Variants in ZNF236 observed in about 807,000 individuals in gnomAD.
ZNF236 encodes the protein zinc finger protein 236.
Under a neutral mutation model 191.2 loss-of-function variants are expected in ZNF236, and 50 were observed. The ratio of observed to expected loss-of-function variants is 0.26; its 90% confidence interval spans 0.21 to 0.33. ZNF236 has a LOEUF of 0.33. Ranked by LOEUF, ZNF236 falls within the 10% of genes least tolerant of loss-of-function variation. The pLI, the probability that ZNF236 is intolerant of heterozygous loss-of-function variation, is 1.00. For synonymous variants in ZNF236, 907 were observed against 928.8 expected, an observed-to-expected ratio of 0.98 and a Z score of 0.43; for missense variants, 1,754 against 2,374.5, an observed-to-expected ratio of 0.74 and a Z score of 5.43.
At chr18:76,948,815 G>T (rs1968334859) in intron 27 of ZNF236, among the ~76,000 whole-genome samples, 1 of 152,194 alleles carries the variant, frequency 6.6e-6, no homozygotes, top group Non-Finnish European at 1.5e-5. Context: ...CCAGGCCCCT[G>T]CCCCTCCAGG....
intron 11 of ZNF236, among the ~76,000 whole-genome samples, chr18:76,900,757 A>T (rs1461999657): frequency 6.6e-6 from 1 of 152,216 alleles, no homozygotes; most frequent in Non-Finnish European, 1.5e-5. Flanking sequence ...ATATTTAACT[A>T]AAAAAACTAG....
At chr18:76,870,501 C>T (rs567718865) in intron 4 of ZNF236, among the ~76,000 whole-genome samples, 1 of 152,302 alleles carries the variant, frequency 6.6e-6, no homozygotes, top group Middle Eastern at 3.4e-3. Flanking sequence ...GCAAACCAGA[C>T]AGACGAAGCC....
intron 26 of ZNF236, among the ~76,000 whole-genome samples, chr18:76,938,312 C>G (rs984877304): frequency 3.6e-4 from 55 of 152,218 alleles, no homozygotes; most frequent in African/African-American, 1.3e-3. Context: ...ATTGGGTGAG[C>G]CTGGGAAGTC....
rs796598837 is a variant in ZNF236 at position 76,937,435 on chromosome 18, G to C, written c.4782+92G>C. On this transcript the variant is annotated intron_variant, in intron 26 of 30. Transcript: ENST00000320610. ...TGACTCCTTCCTAAATAAATAGTCTGAGCATTTTTTTTCCCCAAAATCGAA... is the reference window on the plus strand; with the variant it reads ...TGACTCCTTCCTAAATAAATAGTCTCAGCATTTTTTTTCCCCAAAATCGAA... 5 of 1,223,182 alleles carry C rather than the reference G, an allele frequency of 4.1e-6. No homozygotes were observed. In the African/African-American group the frequency reaches 7.5e-5, roughly 18 times the overall value. 75.8% of individuals were successfully genotyped at this position (1,223,182 alleles called of 1,614,324 possible).
intron 20 of ZNF236, among the ~76,000 whole-genome samples, chr18:76,922,248 G>C (rs1036439845): frequency 1.3e-5 from 2 of 152,214 alleles, no homozygotes; most frequent in Non-Finnish European, 2.9e-5. Context: ...CCGTGAGCCT[G>C]TGTGCCTCTG....
intron 25 of ZNF236, among the ~76,000 whole-genome samples, chr18:76,932,749 G>C (rs1282598573): frequency 6.6e-6 from 1 of 152,236 alleles, no homozygotes; most frequent in African/African-American, 2.4e-5. Flanking sequence ...AAGTTGGGTT[G>C]TAGAGGTTTC....
At chr18:76,896,111 A>G (rs953758247) in intron 10 of ZNF236, among the ~76,000 whole-genome samples, 5 of 151,676 alleles carry the variant, frequency 3.3e-5, no homozygotes, top group Admixed American at 6.6e-5. Flanking sequence ...GTTACCAAAC[A>G]CTATACCACA....
At chr18:76,940,612 T>C (rs1009719886) in intron 26 of ZNF236, among the ~76,000 whole-genome samples, 1 of 152,210 alleles carries the variant, frequency 6.6e-6, no homozygotes, top group Admixed American at 6.5e-5. Context: ...CAGAAAGGCA[T>C]TTATTTCAGT....
chr18:76,905,790 T>G (rs1977724942), intron 13 of ZNF236, among the ~76,000 whole-genome samples: 1 of 152,246 alleles, frequency 6.6e-6, no homozygotes, highest in Non-Finnish European at 1.5e-5. Context: ...TCTAGGCCTG[T>G]CATCAGCAAA....
At position 76,969,103 on chromosome 18, in the gene ZNF236, A is replaced by T. The variant is rs192060511; in HGVS notation, c.*764A>T. The stretch of plus-strand genomic sequence containing the variant: ...TTACATAATTGCAGAAGCACAAGCC[A>T]TACATCGCAGGTAGGAAACCACAGA... On this transcript the variant is annotated 3_prime_UTR_variant, in exon 31 of 31. Coordinates refer to ENST00000320610, the MANE Select transcript of ZNF236 (RefSeq NM_001306089.2). The T allele has an allele frequency of 4.2e-3, 2,280 of 541,246 alleles. 12 individuals carry two copies. The highest frequency in any genetic ancestry group is 5.0e-3 in the Non-Finnish European group (2,122 of 423,410). The allele number at this position is 541,246 out of a possible 1,614,324, so 33.5% of individuals were successfully genotyped here.
intron 26 of ZNF236, among the ~76,000 whole-genome samples, chr18:76,944,519 T>C (rs1209187917): frequency 6.6e-6 from 1 of 152,196 alleles, no homozygotes; most frequent in African/African-American, 2.4e-5. Context: ...GCTGGGGGTG[T>C]GGTGGCTCAT....
At position 76,905,329 on chromosome 18, in the gene ZNF236, C is replaced by A; in HGVS notation, c.2211C>A (p.His737Gln). 1 of 1,614,172 alleles carries A rather than the reference C, an allele frequency of 6.2e-7. No individual in the cohort carries two copies. Among genetic ancestry groups the A allele is most frequent in the Non-Finnish European group, 8.5e-7 (1 of 1,180,036 alleles). The change falls in exon 13 of 31, where the codon CAC (histidine) becomes CAA (glutamine). Residue 737 changes from histidine to glutamine, a missense_variant. His to Gln is a conservative substitution (Grantham distance 24). Around this residue, in one of 5 missense-constraint regions of ZNF236, gnomAD observed 641 missense variants for 869.6 expected, o/e 0.74. Transcript: ENST00000320610. ...GGSLRRHMGIHNDLRPYMCPY... is the reference protein window; with the variant it reads ...GGSLRRHMGIQNDLRPYMCPY... ...GCTTACGGCGACACATGGGTATCCA[C>A]AACGACCTTCGTCCCTATATGTGTC...
chr18:76,933,446 C>T (rs1326837235), intron 25 of ZNF236, among the ~76,000 whole-genome samples: 5 of 149,938 alleles, frequency 3.3e-5, no homozygotes, highest in African/African-American at 7.4e-5. Context: ...GCCTGGGTGA[C>T]GAGCAAAACT....
intron 11 of ZNF236, 84 bp downstream of exon 11, chr18:76,899,306 T>G: frequency 8.3e-7 from 1 of 1,210,772 alleles, no homozygotes; most frequent in Non-Finnish European, 1.2e-6. Context: ...CACATTATGG[T>G]CTCTGTAGTT....
rs1050966032 is a variant in ZNF236, at chr18:76,895,225, T to C, written c.1630T>C (p.Tyr544His). The C allele has an allele frequency of 1.2e-6, 2 of 1,600,624 alleles. No homozygotes were observed. Among genetic ancestry groups the C allele is most frequent in the African/African-American group, 2.7e-5 (2 of 74,936 alleles). The change falls in exon 10 of 31, where the codon TAC becomes CAC. Residue 544 changes from tyrosine to histidine, a missense_variant. Around this residue, in one of 5 missense-constraint regions of ZNF236, gnomAD observed 641 missense variants for 869.6 expected, o/e 0.74. Transcript: ENST00000320610. ...CGGCATCAAGGCGTTCAAGTGCCAGTACTGCATGAAGAGCTTCTCCACCTC... is the reference window on the plus strand; with the variant it reads ...CGGCATCAAGGCGTTCAAGTGCCAGCACTGCATGAAGAGCTTCTCCACCTC... ...HTGIKAFKCQ[Y>H]CMKSFSTSGS...
intron 3 of ZNF236, among the ~76,000 whole-genome samples, chr18:76,867,748 A>G (rs1280474841): frequency 6.6e-6 from 1 of 152,238 alleles, no homozygotes; most frequent in Non-Finnish European, 1.5e-5. Flanking sequence ...GGCCACGCAC[A>G]GTCAGCGTCT....
chr18:76,856,819 G>C (rs1976053388), intron 3 of ZNF236, among the ~76,000 whole-genome samples: 1 of 152,102 alleles, frequency 6.6e-6, no homozygotes, highest in African/African-American at 2.4e-5. Context: ...AAATTGTCAT[G>C]GACTCAAATT....
chr18:76,856,060 C>T (rs1269485575), intron 3 of ZNF236, among the ~76,000 whole-genome samples: 1 of 152,010 alleles, frequency 6.6e-6, no homozygotes, highest in African/African-American at 2.4e-5. Context: ...TTTTCTTTCT[C>T]TTTAAAAAAA....
intron 3 of ZNF236, among the ~76,000 whole-genome samples, chr18:76,855,332 A>G (rs1487272572): frequency 3.9e-5 from 6 of 152,272 alleles, no homozygotes. Context: ...AGAAGGCTAT[A>G]GAGAGCAAAA....
Sources: gnomAD v4.1 joint callset for allele counts (sites outside exome capture counted in the v4.1 genomes callset) on GRCh38, gnomAD v4.1.1 for gene constraint, gnomAD v4.1.1 regional missense constraint, MANE v1.5 for transcripts, NCBI Gene and HGNC (gene_info 2026-07-23, HGNC 2026-07-21) for gene names.